Variants in CLSTN2 observed in about 807,000 individuals in gnomAD.
The protein encoded by CLSTN2 is calsyntenin 2.
Under a neutral mutation model 101.2 loss-of-function variants are expected in CLSTN2, and 48 were observed. That is an observed-to-expected ratio of 0.47 (90% CI 0.38 to 0.60). CLSTN2 has a LOEUF of 0.60. CLSTN2 is among the 20% of genes least tolerant of loss of function. CLSTN2 has a pLI of 0.00. For missense variants in CLSTN2, 1,160 were observed against 1,238.2 expected (o/e 0.94, Z 0.95); for synonymous variants, 481 against 463.6 (o/e 1.04, Z -0.48).
chr3:139,943,025 C>T (rs1247724168), intron 1 of CLSTN2, among the ~76,000 whole-genome samples: 1 of 152,134 alleles, frequency 6.6e-6, no homozygotes, highest in African/African-American at 2.4e-5. Context: ...CCTACCCCAC[C>T]CAAGGCTCAC....
intron 2 of CLSTN2, among the ~76,000 whole-genome samples, chr3:140,245,387 A>C (rs2086507095): frequency 6.8e-6 from 1 of 148,032 alleles, no homozygotes; most frequent in African/African-American, 2.7e-5. Context: ...AAGAAGACCA[A>C]GCACCATCCC....
intron 1 of CLSTN2, among the ~76,000 whole-genome samples, chr3:140,013,172 T>G (rs1410492595): frequency 6.6e-6 from 1 of 152,242 alleles, no homozygotes; most frequent in Non-Finnish European, 1.5e-5. Context: ...AAACCAGGTC[T>G]CTTCAGGCAA....
chr3:140,189,366 G>A (rs771829453), intron 2 of CLSTN2, among the ~76,000 whole-genome samples: 7 of 152,052 alleles, frequency 4.6e-5, no homozygotes, highest in Non-Finnish European at 7.4e-5. Context: ...CTTTCCCACC[G>A]GCAGTGTATA....
chr3:139,954,144 T>C (rs1342605621), intron 1 of CLSTN2, among the ~76,000 whole-genome samples: 1 of 152,156 alleles, frequency 6.6e-6, no homozygotes, highest in Non-Finnish European at 1.5e-5. Flanking sequence ...ATCCTCAAGT[T>C]GGTCCCTGTT....
At chr3:140,264,352 G>C (rs2086676924) in intron 2 of CLSTN2, among the ~76,000 whole-genome samples, 1 of 139,246 alleles carries the variant, frequency 7.2e-6, no homozygotes. Flanking sequence ...AGCTGTTGCT[G>C]TGAGTTCAAG....
In CLSTN2 at chr3:140,558,853, C is replaced by A. The variant is rs201108538; in HGVS notation, c.2037C>A (p.Thr679=). The A allele has an allele frequency of 6.2e-6, 10 of 1,613,464 alleles. No individual in the cohort carries two copies. Among genetic ancestry groups the A allele is most frequent in the Non-Finnish European group, 8.5e-6 (10 of 1,179,912 alleles). ...CCGAAGCCCCCGGGGACGTGAAAACCACAGGTACAGGTGCATTTGAGTTTG... is the reference window on the plus strand; with the variant it reads ...CCGAAGCCCCCGGGGACGTGAAAACAACAGGTACAGGTGCATTTGAGTTTG... The part of the protein sequence containing the change: ...AKTEAPGDVK[T]TDPKSEVLEE... The change falls in exon 12 of 17, where the codon ACC becomes ACA. Residue 679 remains threonine, a synonymous_variant. Transcript: ENST00000458420.
At chr3:140,306,339 C>A (rs2087113482) in intron 2 of CLSTN2, among the ~76,000 whole-genome samples, 1 of 152,126 alleles carries the variant, frequency 6.6e-6, no homozygotes, top group Non-Finnish European at 1.5e-5. Context: ...CTATCACCTC[C>A]TTCATTAGAA....
intron 2 of CLSTN2, among the ~76,000 whole-genome samples, chr3:140,287,839 G>A (rs1337635972): frequency 6.6e-6 from 1 of 152,060 alleles, no homozygotes; most frequent in Non-Finnish European, 1.5e-5. Context: ...CCAAATCATT[G>A]AGCCATTTAT....
At chr3:140,455,925 G>A (rs1295604299) in intron 6 of CLSTN2, among the ~76,000 whole-genome samples, 6 of 152,166 alleles carry the variant, frequency 3.9e-5, no homozygotes, top group Admixed American at 2.0e-4. Flanking sequence ...GTGGCCTGCC[G>A]CTCCCCCTCA....
At chr3:140,067,457 A>G (rs1204253603) in intron 1 of CLSTN2, among the ~76,000 whole-genome samples, 9 of 152,190 alleles carry the variant, frequency 5.9e-5, no homozygotes, top group Admixed American at 5.9e-4. Context: ...GGAGGGAAAC[A>G]TCATACCAAG....
chr3:140,011,931 G>A (rs1576396321), intron 1 of CLSTN2, among the ~76,000 whole-genome samples: 2 of 152,194 alleles, frequency 1.3e-5, no homozygotes, highest in Admixed American at 1.3e-4. Flanking sequence ...TGAGACCAGG[G>A]AACCCTCTGG....
chr3:139,960,744 T>C (rs1935493757), intron 1 of CLSTN2, among the ~76,000 whole-genome samples: 1 of 152,200 alleles, frequency 6.6e-6, no homozygotes, highest in African/African-American at 2.4e-5. Flanking sequence ...ATGACCATGA[T>C]AGAAGCCAGG....
In CLSTN2 at chr3:140,095,553, C is replaced by T. The variant is rs567290301; in HGVS notation, c.110-80398C>T. On this transcript the variant is annotated intron_variant, in intron 1 of 16. Coordinates refer to ENST00000458420, the MANE Select transcript of CLSTN2 (RefSeq NM_022131.3). ...TCTACAATTACTCCACTTCTGATCA[C>T]GTCATGCATTTTCTATCCTACATAA... 2.4e-4 allele frequency among the ~76,000 whole-genome samples: 36 copies of T among 152,342 alleles called. No individual in the cohort carries two copies. The South Asian group carries it at 7.0e-3, about 30-fold the overall frequency.
At chr3:140,402,776 A>G (rs2088258238) in intron 2 of CLSTN2, among the ~76,000 whole-genome samples, 1 of 152,220 alleles carries the variant, frequency 6.6e-6, no homozygotes, top group Non-Finnish European at 1.5e-5. Flanking sequence ...CGGATGACAC[A>G]GTAGAGGCCC....
intron 1 of CLSTN2, among the ~76,000 whole-genome samples, chr3:139,964,179 A>G (rs140247649): frequency 8.5e-5 from 13 of 152,300 alleles, no homozygotes; most frequent in African/African-American, 2.9e-4. Context: ...GCACTGCACC[A>G]CATTTCAGAT....
At chr3:140,504,497 C>A (rs1190204961) in intron 8 of CLSTN2, among the ~76,000 whole-genome samples, 1 of 152,074 alleles carries the variant, frequency 6.6e-6, no homozygotes, top group Non-Finnish European at 1.5e-5. Context: ...TAGTGGGGAA[C>A]AAGAGAAGAC....
chr3:140,308,387 T>C (rs1192076882), intron 2 of CLSTN2, among the ~76,000 whole-genome samples: 1 of 152,224 alleles, frequency 6.6e-6, no homozygotes, highest in Non-Finnish European at 1.5e-5. Flanking sequence ...GTAGCATTGG[T>C]AAACCCACTT....
At chr3:140,497,332 T>G (rs1035861973) in intron 8 of CLSTN2, among the ~76,000 whole-genome samples, 3 of 152,118 alleles carry the variant, frequency 2.0e-5, no homozygotes, top group Admixed American at 2.0e-4. Context: ...GCTGATATTC[T>G]TGCAGGGAGG....
intron 1 of CLSTN2, among the ~76,000 whole-genome samples, chr3:140,104,711 T>C (rs892309223): frequency 2.0e-5 from 3 of 152,342 alleles, no homozygotes; most frequent in Admixed American, 6.5e-5. Flanking sequence ...TGGTGGCTCA[T>C]GCCTATTATT....
Sources: gnomAD v4.1 joint callset for allele counts (sites outside exome capture counted in the v4.1 genomes callset) on GRCh38, gnomAD v4.1.1 for gene constraint, MANE v1.5 for transcripts, NCBI Gene and HGNC (gene_info 2026-07-23, HGNC 2026-07-21) for gene names.